SPOCK2: variants seen among roughly 807,000 people sequenced by gnomAD.
SPOCK2 encodes testican-2.
In SPOCK2, 39 loss-of-function variants were observed where a neutral mutation model predicts 60.1. The ratio of observed to expected loss-of-function variants is 0.65; its 90% CI spans 0.50 to 0.85. The LOEUF (loss-of-function observed/expected upper bound fraction) is 0.85. SPOCK2 is among the 40% of genes least tolerant of loss of function. The probability of loss-of-function intolerance (pLI) is 0.00; values close to 1 mark genes in which losing one functional copy is unlikely to be tolerated. For missense variants in SPOCK2, 523 were observed against 567.4 expected, an observed-to-expected ratio of 0.92 and a Z score of 0.80; for synonymous variants, 217 against 231.5, an observed-to-expected ratio of 0.94 and a Z score of 0.57.
intron 1 of SPOCK2, among the ~76,000 whole-genome samples, chr10:72,081,106 C>T (rs1383591161): frequency 1.3e-5 from 2 of 152,172 alleles, no homozygotes; most frequent in African/African-American, 4.8e-5. Context: ...AGCTGAGCCA[C>T]AGGCCGTGGT....
At chr10:72,063,238 C>T in intron 9 of SPOCK2, 76 bp from the exon 10 acceptor site, 2 of 1,534,166 alleles carry the variant, frequency 1.3e-6, no homozygotes, top group Non-Finnish European at 1.8e-6. Context: ...ACCTCAGGTC[C>T]TCATGCATGA....
At chr10:72,064,136 C>T (rs577719405) in intron 9 of SPOCK2, 42 bp downstream of exon 9, 15 of 1,603,022 alleles carry the variant, frequency 9.4e-6, no homozygotes, top group Middle Eastern at 1.8e-4. Context: ...CCCAGGAAGC[C>T]GTCCCCACCT....
rs748082637 is a variant in SPOCK2, at chr10:72,072,277, A to G, written c.245-19T>C. The G allele has an allele frequency of 3.3e-6, 5 of 1,503,636 alleles. No individual in the cohort carries two copies. In the East Asian group the frequency reaches 7.3e-5, roughly 22 times the overall value. The allele number at this position is 1,503,636 out of a possible 1,614,324, so 93.1% of individuals were successfully genotyped here. On this transcript the variant is annotated intron_variant, in intron 3 of 10. Coordinates refer to ENST00000373109, the MANE Select transcript of SPOCK2 (RefSeq NM_001244950.2). ...TCCAGGGCTGCAGGGGCACAGAGTC[A>G]GGACACAGGTCACCTGGGAGAACCC...
chr10:72,086,888 T>C, intron 1 of SPOCK2: 1 of 1,551,226 alleles, frequency 6.4e-7, no homozygotes, highest in Non-Finnish European at 8.7e-7. Flanking sequence ...GCATGTGTGT[T>C]TTAAACAAAT....
chr10:72,064,069 T>C, intron 9 of SPOCK2, 109 bp downstream of exon 9: 1 of 1,422,480 alleles, frequency 7.0e-7, no homozygotes, highest in Non-Finnish European at 9.6e-7. Context: ...CAGGGCCTCC[T>C]CTGGGCTCCA....
In SPOCK2 at chr10:72,070,417, C is replaced by T. The variant is rs1772985044; in HGVS notation, c.369G>A (p.Gln123=). ...SRKKLEHRIK[Q]PTVKLHGNKD... ...TGTTTCCATGGAGTTTCACGGTCGG[C>T]TGCTTGATCCTACAGGAGAGGGTGG... The change falls in exon 5 of 11, where the codon CAG becomes CAA. Residue 123 remains glutamine, a synonymous_variant. Coordinates refer to ENST00000373109, the MANE Select transcript of SPOCK2 (RefSeq NM_001244950.2). 6.2e-7 allele frequency: 1 copy of T among 1,613,998 alleles called. No individual in the cohort carries two copies. Among genetic ancestry groups the T allele is most frequent in the African/African-American group, 1.3e-5 (1 of 74,932 alleles).
At chr10:72,067,295 C>CA (rs1396340091) in intron 7 of SPOCK2, among the ~76,000 whole-genome samples, 175 bp from the exon 8 acceptor site, 1 of 152,198 alleles carries the variant, frequency 6.6e-6, no homozygotes, top group Non-Finnish European at 1.5e-5. Context: ...CTTCCACCTC[C>CA]ACATAGGACT....
At chr10:72,078,600 G>A (rs1194792295) in intron 1 of SPOCK2, among the ~76,000 whole-genome samples, 3 of 151,748 alleles carry the variant, frequency 2.0e-5, no homozygotes, top group South Asian at 2.1e-4. Context: ...AGCCTTTCAC[G>A]GGTTCCCAGT....
At chr10:72,086,956 T>A in intron 1 of SPOCK2, 1 of 1,551,628 alleles carries the variant, frequency 6.4e-7, no homozygotes, top group African/African-American at 1.4e-5. Context: ...GGTCATGGTG[T>A]GGCCTGCGTT....
At position 72,060,598 on chromosome 10, in the gene SPOCK2, G is replaced by C. The variant is rs973263691; in HGVS notation, c.*2162C>G. ...AAGAGCAGAAGTTTCAAGTAGCTCCGAGTCAGAGGCGCGGCTGCCTCAGAG... is the reference window on the plus strand; with the variant it reads ...AAGAGCAGAAGTTTCAAGTAGCTCCCAGTCAGAGGCGCGGCTGCCTCAGAG... On this transcript the variant is annotated 3_prime_UTR_variant, in exon 11 of 11. Transcript: ENST00000373109. The C allele has an allele frequency of 6.6e-6, 1 of 152,486 alleles. No individual in the cohort carries two copies. The allele number at this position is 152,486 out of a possible 1,614,324, so 9.4% of individuals were successfully genotyped here. A position where few individuals can be genotyped will look rare whatever the true frequency, so the allele number is the denominator to read the frequency against.
intron 8 of SPOCK2, among the ~76,000 whole-genome samples, chr10:72,066,566 C>G (rs77031977): frequency 0.088 from 13,176 of 150,416 alleles, 621 homozygotes; most frequent in Admixed American, 0.15. Flanking sequence ...GTCGCCAACT[C>G]CTGGGTCACA....
intron 8 of SPOCK2, among the ~76,000 whole-genome samples, chr10:72,066,104 G>C (rs1473291284): frequency 6.6e-6 from 1 of 152,080 alleles, no homozygotes; most frequent in Non-Finnish European, 1.5e-5. Context: ...GATGACTCTG[G>C]TTTGAAAGCT....
intron 1 of SPOCK2, among the ~76,000 whole-genome samples, chr10:72,080,481 G>A (rs1347726757): frequency 6.6e-6 from 1 of 152,092 alleles, no homozygotes; most frequent in African/African-American, 2.4e-5. Flanking sequence ...GGCACAGACA[G>A]AAGGACTCAG....
At chr10:72,064,370 C>A in intron 8 of SPOCK2, 130 bp from the exon 9 acceptor site, 2 of 995,428 alleles carry the variant, frequency 2.0e-6, no homozygotes, top group Non-Finnish European at 2.8e-6. Flanking sequence ...GACACGGGGT[C>A]ACCCCACAGC....
chr10:72,088,025 G>A (rs1840886587), intron 1 of SPOCK2, 115 bp downstream of exon 1: 3 of 1,315,066 alleles, frequency 2.3e-6, no homozygotes, highest in East Asian at 2.5e-5. Context: ...GTAATTAGCC[G>A]GCCAGGCTGC....
chr10:72,084,277 G>A (rs1840826519), intron 1 of SPOCK2, among the ~76,000 whole-genome samples: 1 of 152,212 alleles, frequency 6.6e-6, no homozygotes, highest in Non-Finnish European at 1.5e-5. Context: ...CCCTGGCAAG[G>A]TGCCTTCACA....
In SPOCK2 at chr10:72,062,881, TC is replaced by T; in HGVS notation, c.1153del (p.Asp385ThrfsTer57). 2 of 1,598,594 alleles carry T rather than the reference TC, an allele frequency of 1.3e-6. No individual in the cohort carries two copies. On this transcript the variant is annotated frameshift_variant, in exon 11 of 11. Coordinates refer to ENST00000373109, the MANE Select transcript of SPOCK2 (RefSeq NM_001244950.2). LOFTEE classifies it high-confidence loss of function. The surrounding 1 kb of genome is among the most constrained non-coding windows in gnomAD (Gnocchi z 4.3). ...DCDDIVGFSG[D>X]FGSGVGWEDE... Reference sequence around the variant, plus strand: ...CTCCCAGCCGACACCGCTTCCAAAGTCCCCCGAGAAGCCCACGATGTCATCT... The same window carrying T: ...CTCCCAGCCGACACCGCTTCCAAAGTCCCCGAGAAGCCCACGATGTCATCT...
At chr10:72,079,786 G>C (rs1840759501) in intron 1 of SPOCK2, among the ~76,000 whole-genome samples, 1 of 152,008 alleles carries the variant, frequency 6.6e-6, no homozygotes, top group South Asian at 2.1e-4. Context: ...CTGCTTCTTT[G>C]CAGCACAGTG....
intron 1 of SPOCK2, among the ~76,000 whole-genome samples, chr10:72,081,049 G>A (rs1840777515): frequency 6.6e-6 from 1 of 152,268 alleles, no homozygotes; most frequent in East Asian, 1.9e-4. Context: ...TGGGGGTGGG[G>A]GTCAGAATTC....
Sources: allele counts gnomAD v4.1 joint callset (sites outside exome capture counted in the v4.1 genomes callset), GRCh38; gene constraint gnomAD v4.1.1; non-coding constraint Gnocchi (gnomAD v3.1); transcripts MANE v1.5; gene names NCBI Gene and HGNC (gene_info 2026-07-23, HGNC 2026-07-21).